Variants in CCND3 observed in about 807,000 individuals in gnomAD.
CCND3 encodes the protein cyclin D3.
In CCND3, 9 loss-of-function variants were observed where a neutral mutation model predicts 28.7. The ratio of observed to expected loss-of-function variants is 0.31; its 90% CI spans 0.19 to 0.55. The LOEUF is 0.55. Ranked by LOEUF, CCND3 falls within the 20% of genes least tolerant of loss-of-function variation. CCND3 has a pLI of 0.93. For missense variants in CCND3, 315 were observed against 385.8 expected (o/e 0.82, Z 1.54); for synonymous variants, 164 against 163.9 (o/e 1.00, Z 0.00).
intron 1 of CCND3, among the ~76,000 whole-genome samples, chr6:42,029,366 T>G (rs979676181): frequency 4.6e-5 from 7 of 152,090 alleles, no homozygotes; most frequent in Non-Finnish European, 7.4e-5. Context: ...AACATATATT[T>G]ATTGAGTCTG....
intron 1 of CCND3, among the ~76,000 whole-genome samples, chr6:42,009,068 G>A (rs1230814421): frequency 6.6e-6 from 1 of 152,222 alleles, no homozygotes; most frequent in African/African-American, 2.4e-5. Context: ...AGAAGTGTAA[G>A]GGGGAAGGGT....
At chr6:41,984,995 G>A (rs114379724) in intron 1 of CCND3, among the ~76,000 whole-genome samples, 1 of 151,886 alleles carries the variant, frequency 6.6e-6, no homozygotes, top group Admixed American at 6.6e-5. Context: ...TTTTAATCAG[G>A]TTATTTGTTT....
upstream of CCND3, among the ~76,000 whole-genome samples, chr6:41,945,502 G>A (rs541360383): frequency 3.1e-4 from 47 of 149,324 alleles, no homozygotes; most frequent in African/African-American, 1.1e-3. Context: ...CAACAAGAGC[G>A]AAACTCTGTC....
intron 1 of CCND3, chr6:41,940,871 AG>A: frequency 7.6e-7 from 1 of 1,318,826 alleles, no homozygotes; most frequent in Middle Eastern, 1.8e-4. Flanking sequence ...CCCCACAGCG[AG>A]GGGAAGTGGG....
intron 1 of CCND3, among the ~76,000 whole-genome samples, chr6:42,004,315 A>G (rs1482129482): frequency 6.6e-6 from 1 of 152,168 alleles, no homozygotes; most frequent in Admixed American, 6.6e-5. Context: ...TGAGAAAACT[A>G]TAAGCAACTT....
At chr6:41,957,755 C>T (rs927021318) in intron 1 of CCND3, among the ~76,000 whole-genome samples, 2 of 152,146 alleles carry the variant, frequency 1.3e-5, no homozygotes, top group African/African-American at 4.8e-5. Context: ...CAGGCAATTC[C>T]CCTGTTTGGA....
chr6:41,969,092 G>A (rs988229807), intron 1 of CCND3, among the ~76,000 whole-genome samples: 8 of 151,832 alleles, frequency 5.3e-5, no homozygotes, highest in Non-Finnish European at 7.4e-5. Context: ...CACCATGCCC[G>A]GCCTCTGTAT....
intron 1 of CCND3, among the ~76,000 whole-genome samples, chr6:41,982,192 C>T (rs911379847): frequency 2.6e-5 from 4 of 151,292 alleles, no homozygotes; most frequent in African/African-American, 9.7e-5. Context: ...ATCGCTTGAG[C>T]CCGGGAGGCT....
chr6:42,003,423 G>A (rs1763073525), intron 1 of CCND3, among the ~76,000 whole-genome samples: 1 of 149,314 alleles, frequency 6.7e-6, no homozygotes, highest in South Asian at 2.1e-4. Context: ...TACTTGGGAG[G>A]CTGAGGCAGG....
chr6:42,025,972 G>A (rs181688809), intron 1 of CCND3, among the ~76,000 whole-genome samples: 294 of 152,188 alleles, frequency 1.9e-3, no homozygotes, highest in African/African-American at 6.8e-3. Flanking sequence ...GACCCACAAG[G>A]CTGCCTGTCA....
At chr6:41,937,552 C>T (rs1775849407) in intron 2 of CCND3, among the ~76,000 whole-genome samples, 158 bp from the exon 3 acceptor site, 1 of 152,216 alleles carries the variant, frequency 6.6e-6, no homozygotes, top group Non-Finnish European at 1.5e-5. Context: ...CCATGGAGTT[C>T]AAGGCAGGGA....
intron 1 of CCND3, among the ~76,000 whole-genome samples, chr6:42,040,011 C>T (rs934617797): frequency 5.3e-5 from 8 of 152,250 alleles, no homozygotes; most frequent in South Asian, 2.1e-4. Context: ...CTCTACTAGT[C>T]CTGAGACTGT....
At chr6:41,972,486 C>T (rs953250756) in intron 1 of CCND3, among the ~76,000 whole-genome samples, 1 of 152,080 alleles carries the variant, frequency 6.6e-6, no homozygotes, top group African/African-American at 2.4e-5. Flanking sequence ...AATCCCAGCT[C>T]CATCAAGCCC....
intron 1 of CCND3, among the ~76,000 whole-genome samples, chr6:41,998,677 CATT>C (rs1356614000): frequency 6.6e-6 from 1 of 151,148 alleles, no homozygotes. Context: ...CTGGTCTATG[CATT>C]ATTATTTTTT....
chr6:41,949,817 G>T (rs1033398083), intron 1 of CCND3, among the ~76,000 whole-genome samples: 68 of 150,828 alleles, frequency 4.5e-4, no homozygotes, highest in Non-Finnish European at 1.3e-4. Flanking sequence ...CTACAGGGCC[G>T]GGTGTGGTGG....
intron 1 of CCND3, 124 bp from the exon 2 acceptor site, chr6:41,940,709 G>A: frequency 1.3e-6 from 1 of 772,740 alleles, no homozygotes; most frequent in Non-Finnish European, 2.2e-6. Flanking sequence ...GCTACTTAGA[G>A]AGACAAGGAC....
rs145958735 is a variant in CCND3 at position 41,987,241 on chromosome 6, C to T, written c.-45-46656G>A. On this transcript the variant is annotated intron_variant, in intron 1 of 4. Coordinates refer to the CCND3 transcript ENST00000372988. ...TTTAACTTTAACTCACTGATTGGTT[C>T]TGGTGCCTGTAACATTGGCTCCAAA... Among the ~76,000 whole-genome samples the T allele has an allele frequency of 2.0e-5, 3 of 151,988 alleles. No individual in the cohort carries two copies. In the South Asian group the frequency reaches 6.2e-4, roughly 31 times the overall value.
chr6:41,996,235 C>T (rs541389178), intron 1 of CCND3, among the ~76,000 whole-genome samples: 2 of 151,100 alleles, frequency 1.3e-5, no homozygotes, highest in South Asian at 2.1e-4. Flanking sequence ...CTGCAACCTC[C>T]GCCTCCCGGG....
intron 1 of CCND3, among the ~76,000 whole-genome samples, chr6:41,994,900 C>T (rs951549096): frequency 3.3e-5 from 5 of 151,840 alleles, no homozygotes; most frequent in South Asian, 4.2e-4. Flanking sequence ...GGTGAAACCC[C>T]GTCTCTACTA....
Sources: allele counts gnomAD v4.1 joint callset (sites outside exome capture counted in the v4.1 genomes callset), GRCh38; gene constraint gnomAD v4.1.1; transcripts MANE v1.5; gene names NCBI Gene and HGNC (gene_info 2026-07-23, HGNC 2026-07-21).